Variants in C1QTNF6 observed in about 807,000 individuals in gnomAD.
C1QTNF6 encodes the protein C1q and TNF related 6, also known as complement C1q tumor necrosis factor-related protein 6.
In C1QTNF6, 17 loss-of-function variants were observed where a neutral mutation model predicts 20.7. The ratio of observed to expected loss-of-function variants is 0.82; its 90% CI spans 0.56 to 1.23. The LOEUF is 1.23. Among genes scored for constraint, C1QTNF6 ranks in the 50% most tolerant of loss-of-function variants. C1QTNF6 has a pLI of 0.00. For synonymous variants in C1QTNF6, 130 were observed against 156.3 expected (o/e 0.83, Z 1.25); for missense variants, 329 against 389.7 (o/e 0.84, Z 1.31).
chr22:37,186,418 T>TTCATTGGAAGATGGTTGTGTCAATC (rs1231403211), intron 1 of C1QTNF6, among the ~76,000 whole-genome samples: 5 of 152,180 alleles, frequency 3.3e-5, no homozygotes. Flanking sequence ...AGAGAGTTAG[T>TTCATTGGAAGATGGTTGTGTCAATC]TCATTGGAAG....
At chr22:37,193,667 C>T (rs997607931) in intron 2 of C1QTNF6, among the ~76,000 whole-genome samples, 2 of 152,186 alleles carry the variant, frequency 1.3e-5, no homozygotes, top group Non-Finnish European at 2.9e-5. Context: ...AGTAACCTCC[C>T]AGGTGAAACC....
rs6000599 is a variant in C1QTNF6 at position 37,183,644 on chromosome 22, G to C, written c.290-909C>G. On this transcript the variant is annotated intron_variant, in intron 2 of 2. Coordinates refer to ENST00000337843, the MANE Select transcript of C1QTNF6 (RefSeq NM_031910.4). ...CTAGAAGGCCCTGTGTTTTCCACAG[G>C]GGGGGAAGGGGACAGAAAGGAGGGC... Among the ~76,000 whole-genome samples, 355 of 152,344 alleles carry C rather than the reference G, an allele frequency of 2.3e-3. 1 individual carries two copies. The highest frequency in any genetic ancestry group is 7.8e-3 in the African/African-American group (325 of 41,566).
In C1QTNF6 at chr22:37,188,164, C is replaced by T. The variant is rs1174497280; in HGVS notation, c.50G>A (p.Arg17Lys). The T allele has an allele frequency of 6.2e-7, 1 of 1,610,128 alleles. No homozygotes were observed. The highest frequency in any genetic ancestry group is 1.1e-5 in the South Asian group (1 of 90,438). The change falls in exon 1 of 3, where the codon AGG (arginine) becomes AAG (lysine). Residue 17 changes from arginine to lysine, a missense_variant and splice_region_variant. Coordinates refer to ENST00000337843, the MANE Select transcript of C1QTNF6 (RefSeq NM_031910.4). ...RESPGEATGH[R>K]VTMGTAALGP... ...CTTGAGGAGCCTCTGGTCACTCACC[C>T]TGTGTCCTGTGGCCTCCCCAGGCGA...
rs1432955816 is a variant in C1QTNF6, at chr22:37,182,419, G to C, written c.606C>G (p.Tyr202Ter). Residue 202 changes from tyrosine (Y) to a stop codon, truncating the protein, a stop_gained, in exon 3 of 3, where the codon TAC (tyrosine) becomes TAG (stop). Transcript: ENST00000337843. LOFTEE classifies it high-confidence loss of function. ...FFSLNVHSWN[Y>*]KETYVHIMHN... ...GCATAATGTGCACGTACGTCTCCTT[G>C]TAATTCCAGCTGTGCACATTGAGGC... 6.2e-7 allele frequency: 1 copy of C among 1,614,274 alleles called. No individual in the cohort carries two copies. The highest frequency in any genetic ancestry group is 8.5e-7 in the Non-Finnish European group (1 of 1,180,054).
At position 37,182,266 on chromosome 22, in the gene C1QTNF6, G is replaced by A. The variant is rs778601751; in HGVS notation, c.759C>T (p.Arg253=). The change falls in exon 3 of 3, where the codon CGC becomes CGT. Residue 253 remains arginine (R), a synonymous_variant. Coordinates refer to ENST00000337843, the MANE Select transcript of C1QTNF6 (RefSeq NM_031910.4). The part of the protein sequence containing the change: ...RVWVRLFKRQ[R]ENAIYSNDFD... ...AGTCGTTGCTGTAGATGGCGTTCTC[G>A]CGCTGGCGCTTGAAGAGCCGCACCC... The A allele has an allele frequency of 1.5e-5, 25 of 1,614,096 alleles. No homozygotes were observed. The highest frequency in any genetic ancestry group is 1.3e-4 in the East Asian group (6 of 44,902).
At chr22:37,188,318 C>T (rs1161678309), upstream of C1QTNF6, 9 of 597,664 alleles carry the variant, frequency 1.5e-5, no homozygotes, top group Admixed American at 4.0e-5. Flanking sequence ...GGAGAGAGGG[C>T]GGAGGGAGGG....
At chr22:37,198,501 T>C (rs62235067), upstream of C1QTNF6, among the ~76,000 whole-genome samples, 1,878 of 152,272 alleles carry the variant, frequency 0.012, 18 homozygotes, top group Middle Eastern at 0.031. Flanking sequence ...AAAAATAAAA[T>C]GTGTGCCTGT....
At chr22:37,188,573 G>A (rs1007251073), upstream of C1QTNF6, 1 of 202,484 alleles carries the variant, frequency 4.9e-6, no homozygotes, top group Admixed American at 6.0e-5. Context: ...CTCAGGAAGG[G>A]GGAGGCAGCC....
upstream of C1QTNF6, among the ~76,000 whole-genome samples, chr22:37,191,221 G>A (rs544328609): frequency 6.6e-6 from 1 of 152,196 alleles, no homozygotes; most frequent in South Asian, 2.1e-4. Context: ...TAATATCATT[G>A]ACTAGGAAAT....
chr22:37,189,553 TAAC>T (rs1906518601), upstream of C1QTNF6, among the ~76,000 whole-genome samples: 1 of 152,220 alleles, frequency 6.6e-6, no homozygotes, highest in Non-Finnish European at 1.5e-5. Context: ...CCATCTTCTG[TAAC>T]TTCTTCAGGC....
At chr22:37,196,435 T>G (rs993281085) in intron 1 of C1QTNF6, 5 of 152,266 alleles carry the variant, frequency 3.3e-5, no homozygotes, top group Non-Finnish European at 5.9e-5. Flanking sequence ...TGGTGGGTTT[T>G]GGCTGGCTTG....
intron 2 of C1QTNF6, among the ~76,000 whole-genome samples, chr22:37,193,470 T>C (rs948726172): frequency 6.6e-6 from 1 of 151,504 alleles, no homozygotes; most frequent in African/African-American, 2.4e-5. Flanking sequence ...AAAAATTAAG[T>C]CGACTGAAAA....
upstream of C1QTNF6, chr22:37,190,999 T>C (rs1439963010): frequency 3.3e-5 from 5 of 152,236 alleles, no homozygotes; most frequent in Non-Finnish European, 7.3e-5. Context: ...CAGTCTTTTA[T>C]TAGTTCAGTC....
At chr22:37,185,117 A>G (rs1924180336) in intron 2 of C1QTNF6, 101 bp downstream of exon 2, 1 of 1,457,968 alleles carries the variant, frequency 6.9e-7, no homozygotes, top group East Asian at 2.5e-5. Flanking sequence ...ACTCAGGATG[A>G]AAGAGGAGTC....
In C1QTNF6 at chr22:37,182,637, C is replaced by A; in HGVS notation, c.388G>T (p.Gly130Trp). Reference sequence around the variant, plus strand: ...GGGGCGCCGGGGCTGCCCATCTCCCCCTTGTCACCCTTGCTGCCCTGAGGG... The same window carrying A: ...GGGGCGCCGGGGCTGCCCATCTCCCACTTGTCACCCTTGCTGCCCTGAGGG... Reference protein sequence around the residue: ...PGPQGSKGDKGEMGSPGAPCQ... With the variant: ...PGPQGSKGDKWEMGSPGAPCQ... The change falls in exon 3 of 3, where the codon GGG becomes TGG. Residue 130 changes from glycine to tryptophan, a missense_variant. Gly to Trp is a radical substitution (Grantham distance 184). Coordinates refer to ENST00000337843, the MANE Select transcript of C1QTNF6 (RefSeq NM_031910.4). 1 of 1,613,478 alleles carries A rather than the reference C, an allele frequency of 6.2e-7. No individual in the cohort carries two copies. Among genetic ancestry groups the A allele is most frequent in the Non-Finnish European group, 8.5e-7 (1 of 1,180,018 alleles).
chr22:37,199,161 G>T (rs953761061), upstream of C1QTNF6, among the ~76,000 whole-genome samples: 3 of 152,230 alleles, frequency 2.0e-5, no homozygotes, highest in Admixed American at 2.0e-4. Flanking sequence ...CTGCTGGGGC[G>T]TGCGGCTGGC....
chr22:37,199,396 G>A (rs912198849), upstream of C1QTNF6: 10 of 152,388 alleles, frequency 6.6e-5, no homozygotes, highest in Non-Finnish European at 1.3e-4. Flanking sequence ...GCGCCCGGAG[G>A]GCGGAGCCAC....
chr22:37,192,500 G>A (rs773552480), upstream of C1QTNF6, among the ~76,000 whole-genome samples: 2 of 152,108 alleles, frequency 1.3e-5, no homozygotes, highest in Admixed American at 6.5e-5. Context: ...AGGTAAGCTG[G>A]GCAATTTTCA....
At chr22:37,191,686 CTT>C (rs1018797417), upstream of C1QTNF6, 2 of 152,114 alleles carry the variant, frequency 1.3e-5, no homozygotes, top group African/African-American at 4.8e-5. Context: ...AAAGGGAAGA[CTT>C]AGCTTTCCAA....
Sources: allele counts gnomAD v4.1 joint callset (sites outside exome capture counted in the v4.1 genomes callset), GRCh38; gene constraint gnomAD v4.1.1; transcripts MANE v1.5; gene names NCBI Gene and HGNC (gene_info 2026-07-23, HGNC 2026-07-21).